Variants in BRWD3 observed in about 807,000 individuals in gnomAD.
The protein encoded by BRWD3 is bromodomain and WD repeat domain containing 3.
Under a neutral mutation model 149.7 loss-of-function variants are expected in BRWD3, and 10 were observed. The observed-to-expected ratio is 0.07, with a 90% CI of 0.04 to 0.11. The LOEUF (loss-of-function observed/expected upper bound fraction) is 0.11, where lower values mean the gene tolerates loss of function less well. Among genes scored for constraint, BRWD3 ranks in the 10% least tolerant of loss-of-function variants. The pLI is 1.00. For missense variants in BRWD3, 940 were observed against 1,373.2 expected (o/e 0.68, Z 4.99); for synonymous variants, 504 against 456.7 (o/e 1.10, Z -1.32).
chrX:80,709,662 G>C (rs951358950), intron 20 of BRWD3, 85 bp from the exon 21 acceptor site: 165 of 835,941 alleles, frequency 2.0e-4, no homozygotes, highest in Non-Finnish European at 2.7e-4. Flanking sequence ...ATTAGGTGGG[G>C]GGTAGGGGTG....
At chrX:80,728,670 G>A in intron 14 of BRWD3, 82 bp downstream of exon 14, 1 of 884,850 alleles carries the variant, frequency 1.1e-6, no homozygotes, top group African/African-American at 2.0e-5. Context: ...ATCATAGAAA[G>A]GAACCTGGAA....
At chrX:80,688,264 G>C in intron 33 of BRWD3, 139 bp from the exon 34 acceptor site, 1 of 512,932 alleles carries the variant, frequency 1.9e-6, no homozygotes, top group Non-Finnish European at 3.5e-6. Context: ...ACAAAAGATA[G>C]AGGGAGACTC....
intron 6 of BRWD3, chrX:80,746,870 G>T: frequency 1.3e-6 from 1 of 746,882 alleles, no homozygotes; most frequent in Non-Finnish European, 1.6e-6. Context: ...AGATCCACTG[G>T]CCATTTTAAC....
intron 40 of BRWD3, among the ~76,000 whole-genome samples, chrX:80,678,502 T>C (rs1288186512): frequency 9.0e-6 from 1 of 111,533 alleles, no homozygotes; most frequent in Non-Finnish European, 1.9e-5. Flanking sequence ...CAGGTAGATA[T>C]ACCAGTCTGG....
chrX:80,703,254 T>A (rs1254511923), intron 24 of BRWD3, among the ~76,000 whole-genome samples: 1 of 111,202 alleles, frequency 9.0e-6, no homozygotes, highest in Non-Finnish European at 1.9e-5. Context: ...TTTATCTCAA[T>A]ATTCAATGAG....
chrX:80,754,863 C>G (rs2073718682), intron 6 of BRWD3, among the ~76,000 whole-genome samples: 2 of 111,176 alleles, frequency 1.8e-5, no homozygotes, highest in Admixed American at 1.9e-4. Flanking sequence ...AAAAAATTAG[C>G]CAGATGTGGT....
intron 6 of BRWD3, among the ~76,000 whole-genome samples, chrX:80,764,301 C>T (rs2073833665): frequency 9.0e-6 from 1 of 110,888 alleles, no homozygotes; most frequent in African/African-American, 3.3e-5. Context: ...GAATATGGGG[C>T]TAGGCAAAGA....
intron 6 of BRWD3, among the ~76,000 whole-genome samples, chrX:80,757,714 T>C (rs1039975357): frequency 8.9e-6 from 1 of 112,336 alleles, no homozygotes; most frequent in Non-Finnish European, 1.9e-5. Context: ...AACTCAATGA[T>C]AGACCGTACT....
chrX:80,727,724 G>C (rs200104439), intron 14 of BRWD3, among the ~76,000 whole-genome samples: 7,688 of 77,191 alleles, frequency 0.1, 522 homozygotes, highest in African/African-American at 0.28. Context: ...GAGTTGACAA[G>C]TTGAGATTGG....
At chrX:80,699,738 C>T (rs2072754308) in intron 25 of BRWD3, among the ~76,000 whole-genome samples, 1 of 111,621 alleles carries the variant, frequency 9.0e-6, no homozygotes, top group African/African-American at 3.3e-5. Flanking sequence ...TAATTATGGA[C>T]TAGTATAGAC....
chrX:80,706,827 C>T (rs2072873883), intron 22 of BRWD3, among the ~76,000 whole-genome samples: 1 of 112,686 alleles, frequency 8.9e-6, no homozygotes, highest in African/African-American at 3.2e-5. Context: ...CCCAGGAGTT[C>T]AAGGCATGCC....
chrX:80,678,197 G>A (rs1343664328), intron 40 of BRWD3, among the ~76,000 whole-genome samples: 1 of 112,417 alleles, frequency 8.9e-6, no homozygotes, highest in Non-Finnish European at 1.9e-5. Context: ...CAAAGGATAT[G>A]TCAATAGATG....
At chrX:80,697,782 T>C (rs930981437) in intron 25 of BRWD3, among the ~76,000 whole-genome samples, 4 of 112,134 alleles carry the variant, frequency 3.6e-5, no homozygotes, top group African/African-American at 1.3e-4. Flanking sequence ...CGAACATGCA[T>C]GTGCATGTGT....
intron 6 of BRWD3, chrX:80,746,857 G>C: frequency 1.5e-5 from 11 of 750,792 alleles, no homozygotes; most frequent in Non-Finnish European, 1.7e-5. Flanking sequence ...TTCAGGCAAA[G>C]GCAGATCCAC....
chrX:80,801,775 G>A (rs1222106896), intron 4 of BRWD3, among the ~76,000 whole-genome samples: 1 of 110,946 alleles, frequency 9.0e-6, no homozygotes, highest in African/African-American at 3.3e-5. Flanking sequence ...CCGGGAAGTG[G>A]AGGTTGCAGT....
intron 24 of BRWD3, among the ~76,000 whole-genome samples, chrX:80,702,166 T>C (rs182818504): frequency 1.1e-4 from 12 of 112,433 alleles, no homozygotes; most frequent in Non-Finnish European, 2.1e-4. Context: ...ATATAAAAAG[T>C]GTATGTTTGC....
At chrX:80,706,367 CAAAA>C (rs1337293662) in intron 22 of BRWD3, among the ~76,000 whole-genome samples, 8 of 111,766 alleles carry the variant, frequency 7.2e-5, no homozygotes, top group Non-Finnish European at 1.5e-4. Flanking sequence ...CCTCGGCCTC[CAAAA>C]GTGCTGAGAT....
chrX:80,777,072 CAA>C (rs565895344), intron 6 of BRWD3, among the ~76,000 whole-genome samples: 1 of 97,014 alleles, frequency 1.0e-5, no homozygotes. Flanking sequence ...TATGCTTAAA[CAA>C]AAAAAAAAAA....
At chrX:80,708,268 C>A (rs1285565394) in intron 21 of BRWD3, among the ~76,000 whole-genome samples, 1 of 110,092 alleles carries the variant, frequency 9.1e-6, no homozygotes, top group East Asian at 2.9e-4. Context: ...TGGTGGCATG[C>A]ACCTGTAGTC....
Sources: gnomAD v4.1 joint callset for allele counts (sites outside exome capture counted in the v4.1 genomes callset) on GRCh38, gnomAD v4.1.1 for gene constraint, MANE v1.5 for transcripts, NCBI Gene and HGNC (gene_info 2026-07-23, HGNC 2026-07-21) for gene names.